FAIM2: variants seen among roughly 807,000 people sequenced by gnomAD.
FAIM2 encodes protein lifeguard 2.
A neutral mutation model predicts 47.4 loss-of-function variants in FAIM2; 27 were observed. The ratio of observed to expected loss-of-function variants is 0.57; its 90% confidence interval spans 0.42 to 0.78. The LOEUF is 0.78. FAIM2 is among the 30% of genes least tolerant of loss of function. The pLI is 0.00. For synonymous variants in FAIM2, 156 were observed against 159.3 expected (o/e 0.98, Z 0.16); for missense variants, 311 against 389.4 (o/e 0.80, Z 1.69).
Position 49,889,642 on chromosome 12 carries a change from T to C in FAIM2, c.564-74A>G, listed in dbSNP as rs1278607731. 1.3e-5 allele frequency: 16 copies of C among 1,260,770 alleles called. No individual in the cohort carries two copies. The Admixed American group carries it at 1.6e-4, about 13-fold the overall frequency. 78.1% of individuals were successfully genotyped at this position (1,260,770 alleles called of 1,614,324 possible). ...CTCCCCCACCCTCCTAGCAGGCCCC[T>C]CTCTTCTGCCAGGACCTGGTCTTGG... On this transcript the variant is annotated intron_variant, in intron 8 of 11. Transcript: ENST00000320634.
chr12:49,892,676 G>A (rs901496359), intron 5 of FAIM2, among the ~76,000 whole-genome samples: 2 of 152,006 alleles, frequency 1.3e-5, no homozygotes, highest in Non-Finnish European at 2.9e-5. Flanking sequence ...TGGTTCCCTC[G>A]ATGTGGGGTC....
At position 49,873,662 on chromosome 12, in the gene FAIM2, A is replaced by G. The variant is rs889177578; in HGVS notation, c.802-3009T>C. On this transcript the variant is annotated intron_variant, in intron 11 of 11. Coordinates refer to ENST00000320634, the MANE Select transcript of FAIM2 (RefSeq NM_012306.4). ...CTTCTGAGAAGCACCCACGCAGGAG[A>G]CCCCCTAGAGCAGCCAGCTGGCTTT... 4.6e-5 allele frequency among the ~76,000 whole-genome samples: 7 copies of G among 152,022 alleles called. No individual in the cohort carries two copies. The South Asian group carries it at 1.5e-3, about 32-fold the overall frequency.
chr12:49,894,487 G>A (rs1946921939), intron 5 of FAIM2, among the ~76,000 whole-genome samples: 2 of 152,298 alleles, frequency 1.3e-5, no homozygotes, highest in South Asian at 2.1e-4. Context: ...GGGGGAGGGG[G>A]AGGCTGGCAG....
chr12:49,878,581 T>C lies in FAIM2; in HGVS notation c.802-7928A>G, dbSNP rs572842761. On this transcript the variant is annotated intron_variant, in intron 11 of 11. Transcript: ENST00000320634. ...GTGAGTGTATATGTTCATGTGTATA[T>C]GTACATGTGTATGTGTATGTGTGCA... Among the ~76,000 whole-genome samples, 618 of 115,900 alleles carry C rather than the reference T, an allele frequency of 5.3e-3. 110 individuals are homozygous for C. Among genetic ancestry groups the C allele is most frequent in the African/African-American group, 0.018 (580 of 32,424 alleles). The allele number at this position is 115,900 out of a possible 152,430, so 76.0% of individuals were successfully genotyped here. A position where few individuals can be genotyped will look rare whatever the true frequency, so the allele number is the denominator to read the frequency against.
At chr12:49,881,658 G>A (rs561893354) in intron 11 of FAIM2, among the ~76,000 whole-genome samples, 6 of 152,312 alleles carry the variant, frequency 3.9e-5, no homozygotes, top group Admixed American at 1.3e-4. Flanking sequence ...AGCACCCAAA[G>A]AGAGGGCACT....
intron 11 of FAIM2, among the ~76,000 whole-genome samples, chr12:49,886,028 C>T (rs1445611595): frequency 6.6e-6 from 1 of 152,210 alleles, no homozygotes; most frequent in African/African-American, 2.4e-5. Context: ...CCCCCTCAGC[C>T]TGTCGCCCAC....
At chr12:49,872,024 T>G (rs1473579632) in intron 11 of FAIM2, among the ~76,000 whole-genome samples, 1 of 152,168 alleles carries the variant, frequency 6.6e-6, no homozygotes, top group Admixed American at 6.5e-5. Flanking sequence ...CTTCAGTCAC[T>G]TGTGTATGAA....
chr12:49,889,341 C>A, intron 9 of FAIM2, 139 bp from the exon 10 acceptor site: 1 of 959,630 alleles, frequency 1.0e-6, no homozygotes, highest in Non-Finnish European at 1.6e-6. Context: ...TCCCCCTCAT[C>A]AGGTGGCTTC....
At chr12:49,903,112 A>G (rs1313655676) in intron 1 of FAIM2, among the ~76,000 whole-genome samples, 3 of 152,032 alleles carry the variant, frequency 2.0e-5, no homozygotes, top group African/African-American at 7.2e-5. Flanking sequence ...GATGTTACAT[A>G]AGCCTACTAG....
At chr12:49,891,464 G>C (rs747866809) in intron 5 of FAIM2, among the ~76,000 whole-genome samples, 1 of 152,116 alleles carries the variant, frequency 6.6e-6, no homozygotes, top group Non-Finnish European at 1.5e-5. Flanking sequence ...AGTGTTTTAC[G>C]AGTATCAACG....
At chr12:49,877,183 G>C (rs1282843728) in intron 11 of FAIM2, among the ~76,000 whole-genome samples, 1 of 152,164 alleles carries the variant, frequency 6.6e-6, no homozygotes, top group African/African-American at 2.4e-5. Context: ...CCACCCCAGG[G>C]CTTCTCCACC....
chr12:49,896,083 T>C (rs1439870477), intron 5 of FAIM2, among the ~76,000 whole-genome samples: 1 of 152,224 alleles, frequency 6.6e-6, no homozygotes, highest in Non-Finnish European at 1.5e-5. Flanking sequence ...GTGGGCTGCG[T>C]GTACAGGCTC....
In FAIM2 at chr12:49,874,804, C is replaced by T. The variant is rs1946724933; in HGVS notation, c.802-4151G>A. Among the ~76,000 whole-genome samples, 1 of 152,206 alleles carries T rather than the reference C, an allele frequency of 6.6e-6. No individual in the cohort carries two copies. Among genetic ancestry groups the T allele is most frequent in the African/African-American group, 2.4e-5 (1 of 41,432 alleles). ...GCAACCCCCAGGCTGTTGTTTACAG[C>T]ATTGGTTCTAACAGTGAGATGCTGA... On this transcript the variant is annotated intron_variant, in intron 11 of 11. Coordinates refer to ENST00000320634, the MANE Select transcript of FAIM2 (RefSeq NM_012306.4). The surrounding 1 kb of genome is among the most constrained non-coding windows in gnomAD (Gnocchi z 4.2).
rs1946689757 is a variant in FAIM2 at position 49,869,872 on chromosome 12, A to T, written c.*632T>A. On this transcript the variant is annotated 3_prime_UTR_variant, in exon 12 of 12. Coordinates refer to ENST00000320634, the MANE Select transcript of FAIM2 (RefSeq NM_012306.4). ...GGGAGGGCCATTCACAGCAAGCAGC[A>T]GACAGCACAGGCTTCAGACCCTCTC... 1 of 152,436 alleles carries T rather than the reference A, an allele frequency of 6.6e-6. No individual in the cohort carries two copies. Among genetic ancestry groups the T allele is most frequent in the Non-Finnish European group, 1.5e-5 (1 of 68,368 alleles). 9.4% of individuals were successfully genotyped at this position (152,436 alleles called of 1,614,324 possible). A position where few individuals can be genotyped will look rare whatever the true frequency, so the allele number is the denominator to read the frequency against.
intron 1 of FAIM2, among the ~76,000 whole-genome samples, chr12:49,903,409 G>C (rs766222967): frequency 5.9e-5 from 9 of 152,218 alleles, no homozygotes; most frequent in Non-Finnish European, 1.0e-4. Flanking sequence ...GGGGTTGCCC[G>C]ATAGGCACTG....
chr12:49,878,971 T>C (rs546400271), intron 11 of FAIM2, among the ~76,000 whole-genome samples: 1 of 137,082 alleles, frequency 7.3e-6, no homozygotes, highest in East Asian at 2.5e-4. Context: ...TGTGCGTATG[T>C]GTATATGTAT....
rs982945129 is a variant in FAIM2, at chr12:49,870,259, G to A, written c.*245C>T. The A allele has an allele frequency of 7.2e-6, 3 of 415,136 alleles. No homozygotes were observed. Among genetic ancestry groups the A allele is most frequent in the East Asian group, 8.5e-5 (2 of 23,508 alleles). 25.7% of individuals were successfully genotyped at this position (415,136 alleles called of 1,614,324 possible). On this transcript the variant is annotated 3_prime_UTR_variant, in exon 12 of 12. Coordinates refer to ENST00000320634, the MANE Select transcript of FAIM2 (RefSeq NM_012306.4). ...CCCAGAGGAGCCTTCAGCCTTGACC[G>A]TCCCAGTTTGGAAGATGTAACGGGC...
intron 11 of FAIM2, among the ~76,000 whole-genome samples, chr12:49,885,561 G>A (rs979744801): frequency 6.6e-6 from 1 of 151,586 alleles, no homozygotes; most frequent in African/African-American, 2.4e-5. Flanking sequence ...TGGTGGCCAG[G>A]CTCCCAGTTT....
At chr12:49,872,863 A>C (rs1293796072) in intron 11 of FAIM2, among the ~76,000 whole-genome samples, 1 of 152,200 alleles carries the variant, frequency 6.6e-6, no homozygotes, top group Non-Finnish European at 1.5e-5. Flanking sequence ...TGAGAATGAG[A>C]TAATGCATGC....
Sources: gnomAD v4.1 joint callset for allele counts (sites outside exome capture counted in the v4.1 genomes callset) on GRCh38, gnomAD v4.1.1 for gene constraint, Gnocchi (gnomAD v3.1) non-coding constraint, MANE v1.5 for transcripts, NCBI Gene and HGNC (gene_info 2026-07-23, HGNC 2026-07-21) for gene names.